The following CRAMP1 variants were observed in gnomAD, a reference collection of about 807,000 sequenced individuals.
CRAMP1 encodes the protein protein cramped-like.
Under a neutral mutation model 115.4 loss-of-function variants are expected in CRAMP1, and 50 were observed. The observed-to-expected ratio is 0.43, with a 90% CI of 0.35 to 0.55. The LOEUF (loss-of-function observed/expected upper bound fraction) is 0.55. Ranked by LOEUF, CRAMP1 falls within the 20% of genes least tolerant of loss-of-function variation. CRAMP1 has a pLI of 0.01. For synonymous variants in CRAMP1, 866 were observed against 745.4 expected, an observed-to-expected ratio of 1.16 and a Z score of -2.64; for missense variants, 1,679 against 1,721.7, an observed-to-expected ratio of 0.98 and a Z score of 0.44.
chr16:1,655,954 C>T lies in CRAMP1; in HGVS notation c.1197C>T (p.Phe399=), dbSNP rs77482527. Residue 399 remains phenylalanine, a synonymous_variant, in exon 10 of 21, where the codon TTC becomes TTT. Transcript: ENST00000397412. ...AGGAGAAGGTGACACTGCACTTGTTCCCAGGCGAGAACTGTACACTGACAC... is the reference window on the plus strand; with the variant it reads ...AGGAGAAGGTGACACTGCACTTGTTTCCAGGCGAGAACTGTACACTGACAC... ...PMQEKVTLHL[F]PGENCTLTPL... The T allele has an allele frequency of 3.5e-3, 5,632 of 1,613,078 alleles. 186 individuals carry two copies. The African/African-American group carries it at 0.064, about 18-fold the overall frequency.
intron 5 of CRAMP1, among the ~76,000 whole-genome samples, chr16:1,640,532 C>T (rs2036623235): frequency 6.6e-6 from 1 of 152,178 alleles, no homozygotes; most frequent in Non-Finnish European, 1.5e-5. Context: ...CAGCCAAGTA[C>T]CCAGCACCTA....
chr16:1,667,826 T>C, intron 17 of CRAMP1, 136 bp from the exon 18 acceptor site: 1 of 624,400 alleles, frequency 1.6e-6, no homozygotes, highest in Non-Finnish European at 2.9e-6. Context: ...GTTCCTGAGT[T>C]GGAAGGATGA....
At chr16:1,629,333 G>C (rs1283816343) in intron 3 of CRAMP1, among the ~76,000 whole-genome samples, 1 of 152,192 alleles carries the variant, frequency 6.6e-6, no homozygotes. Context: ...CCACAGCTCT[G>C]TGGACGCTGC....
rs1307504814 is a variant in CRAMP1, at chr16:1,661,593, A to AT, written c.2414-877dup. On this transcript the variant is annotated intron_variant, in intron 11 of 20. Transcript: ENST00000397412. ...GGGGGCCAGTCCCTACTATGAAAGA[A>AT]TTTTTTTTTTTTTTTTTTTTGAGAT... 8.6e-3 allele frequency among the ~76,000 whole-genome samples: 1,096 copies of AT among 127,668 alleles called. 79 individuals carry two copies. The highest frequency in any genetic ancestry group is 0.021 in the African/African-American group (677 of 31,910). The allele number at this position is 127,668 out of a possible 152,430, so 83.8% of individuals were successfully genotyped here.
intron 1 of CRAMP1, among the ~76,000 whole-genome samples, 105 bp downstream of exon 1, chr16:1,612,762 G>C (rs937342764): frequency 1.3e-5 from 2 of 152,084 alleles, no homozygotes; most frequent in Non-Finnish European, 2.9e-5. Flanking sequence ...ACAGCGCCCG[G>C]TACAGCCACA....
chr16:1,626,588 A>G (rs2036510272), intron 3 of CRAMP1, among the ~76,000 whole-genome samples: 2 of 151,728 alleles, frequency 1.3e-5, no homozygotes, highest in Non-Finnish European at 2.9e-5. Context: ...GAGAAACCTC[A>G]CGAGATGTTG....
At chr16:1,654,473 A>G (rs926607367) in intron 8 of CRAMP1, among the ~76,000 whole-genome samples, 1 of 152,116 alleles carries the variant, frequency 6.6e-6, no homozygotes, top group African/African-American at 2.4e-5. Flanking sequence ...CGGCCTCCCA[A>G]AGTGTTGGGA....
chr16:1,665,989 A>G, intron 14 of CRAMP1, 84 bp from the exon 15 acceptor site: 2 of 871,944 alleles, frequency 2.3e-6, no homozygotes, highest in Non-Finnish European at 3.7e-6. Context: ...CAGTGGCTGT[A>G]AAGGAAGCCC....
intron 3 of CRAMP1, among the ~76,000 whole-genome samples, chr16:1,629,240 CAG>C (rs1255937494): frequency 3.3e-5 from 5 of 151,758 alleles, no homozygotes; most frequent in African/African-American, 1.2e-4. Flanking sequence ...CTGTGCTTCG[CAG>C]TGTTCCCCTT....
chr16:1,614,906 G>T lies in CRAMP1; in HGVS notation c.267G>T (p.Pro89=). 1 of 1,321,298 alleles carries T rather than the reference G, an allele frequency of 7.6e-7. No individual in the cohort carries two copies. 81.8% of individuals were successfully genotyped at this position (1,321,298 alleles called of 1,614,324 possible). ...QHHFLRSSVR[P]QSKRPRKDPP... ...ACTTCCTCCGGTCCAGCGTGCGGCC[G>T]CAGAGCAAGAGGCCCAGGAAGGATC... The change falls in exon 2 of 21, where the codon CCG becomes CCT. Residue 89 remains proline (P), a synonymous_variant. Transcript: ENST00000397412. The surrounding 1 kb of genome is among the most constrained non-coding windows in gnomAD (Gnocchi z 4.4).
intron 9 of CRAMP1, 129 bp from the exon 10 acceptor site, chr16:1,655,748 C>T (rs1280631378): frequency 1.2e-5 from 13 of 1,055,924 alleles, no homozygotes; most frequent in East Asian, 5.1e-5. Context: ...AGGAAAGCCA[C>T]GGGTGGTGGC....
rs866329205 is a variant in CRAMP1 at position 1,670,579 on chromosome 16, C to T, written c.3500-85C>T. 40 of 1,474,280 alleles carry T rather than the reference C, an allele frequency of 2.7e-5. No homozygotes were observed. The African/African-American group carries it at 5.3e-4, about 20-fold the overall frequency. The allele number at this position is 1,474,280 out of a possible 1,614,324, so 91.3% of individuals were successfully genotyped here. ...GGGCCGGGGCTAGGGCTTGGGCTGG[C>T]TGCCCCCAGCCTCAGGACCCTTCCG... On this transcript the variant is annotated intron_variant, in intron 19 of 20. Coordinates refer to ENST00000397412, the MANE Select transcript of CRAMP1 (RefSeq NM_020825.4).
chr16:1,669,164 T>G lies in CRAMP1; in HGVS notation c.3498T>G (p.Phe1166Leu). Reference sequence around the variant, plus strand: ...CCGACTCCTCGCTCAGCAGCCTGTTTGGTGAGTGTATGGGGAGGGCTCCCA... The same window carrying G: ...CCGACTCCTCGCTCAGCAGCCTGTTGGGTGAGTGTATGGGGAGGGCTCCCA... ...DSTDSSLSSL[F>L]ASFISPEKSR... The change falls in exon 19 of 21, where the codon TTT becomes TTG. Residue 1166 changes from phenylalanine (F) to leucine (L), a missense_variant and splice_region_variant. Transcript: ENST00000397412. The surrounding 1 kb of genome is among the most constrained non-coding windows in gnomAD (Gnocchi z 4.6). 1 of 1,597,842 alleles carries G rather than the reference T, an allele frequency of 6.3e-7. No homozygotes were observed. Among genetic ancestry groups the G allele is most frequent in the Non-Finnish European group, 8.5e-7 (1 of 1,171,364 alleles).
intron 16 of CRAMP1, 131 bp from the exon 17 acceptor site, chr16:1,667,204 A>C (rs2036883259): frequency 2.9e-6 from 2 of 692,948 alleles, no homozygotes; most frequent in African/African-American, 1.8e-5. Context: ...ACCCCTGTCC[A>C]TTTACTGTCC....
At chr16:1,664,772 C>T (rs2036859509) in intron 13 of CRAMP1, among the ~76,000 whole-genome samples, 1 of 150,156 alleles carries the variant, frequency 6.7e-6, no homozygotes, top group East Asian at 2.0e-4. Flanking sequence ...GAGCAAGACA[C>T]CGTCTCAAAA....
chr16:1,675,265 C>T lies in CRAMP1; in HGVS notation c.*1220C>T, dbSNP rs2036957897. 6.6e-6 allele frequency: 1 copy of T among 152,386 alleles called. No homozygotes were observed. 9.4% of individuals were successfully genotyped at this position (152,386 alleles called of 1,614,324 possible). The stretch of plus-strand genomic sequence containing the variant: ...GCTAACAAGGGCCCCTTTGCCTTCT[C>T]ATCCTCAGGAGTTCCAGGCACATGA... On this transcript the variant is annotated 3_prime_UTR_variant, in exon 21 of 21. Transcript: ENST00000397412.
intron 3 of CRAMP1, among the ~76,000 whole-genome samples, chr16:1,630,581 C>G (rs975819360): frequency 6.6e-6 from 1 of 152,186 alleles, no homozygotes; most frequent in Non-Finnish European, 1.5e-5. Flanking sequence ...CAGACATGGC[C>G]CTGCCTGCTC....
chr16:1,664,810 C>T (rs1220219292), intron 13 of CRAMP1, among the ~76,000 whole-genome samples: 1 of 151,204 alleles, frequency 6.6e-6, no homozygotes, highest in Non-Finnish European at 1.5e-5. Flanking sequence ...ATGACTCTGA[C>T]ATTCCTCCAG....
rs1306380813 is a variant in CRAMP1, at chr16:1,614,035, C to T, written c.-1-604C>T. ...CCCGTCCCGGGGTGGATCCGGCCTC[C>T]TCTGTCCTCCTCCAGGGCCAGCTCT... On this transcript the variant is annotated intron_variant, in intron 1 of 20. Coordinates refer to ENST00000397412, the MANE Select transcript of CRAMP1 (RefSeq NM_020825.4). The surrounding 1 kb of genome is among the most constrained non-coding windows in gnomAD (Gnocchi z 4.4). Among the ~76,000 whole-genome samples, 9 of 150,912 alleles carry T rather than the reference C, an allele frequency of 6.0e-5. No individual in the cohort carries two copies. Among genetic ancestry groups the T allele is most frequent in the African/African-American group, 2.4e-5 (1 of 41,188 alleles).
Sources: gnomAD v4.1 joint callset for allele counts (sites outside exome capture counted in the v4.1 genomes callset) on GRCh38, gnomAD v4.1.1 for gene constraint, Gnocchi (gnomAD v3.1) non-coding constraint, MANE v1.5 for transcripts, NCBI Gene and HGNC (gene_info 2026-07-23, HGNC 2026-07-21) for gene names.